The following GATB variants were observed in gnomAD, a reference collection of about 807,000 sequenced individuals.
GATB encodes the protein glutamyl-tRNA amidotransferase subunit B, also known as glutamyl-tRNA(Gln) amidotransferase subunit B, mitochondrial.
GATB carries 39 observed loss-of-function variants against 62.3 expected under a neutral mutation model. The observed-to-expected ratio is 0.63, with a 90% CI of 0.48 to 0.82. The LOEUF (loss-of-function observed/expected upper bound fraction) is 0.82, where lower values mean the gene tolerates loss of function less well. Among genes scored for constraint, GATB ranks in the 40% least tolerant of loss-of-function variants. The pLI is 0.00. For synonymous variants in GATB, 276 were observed against 258.9 expected, an observed-to-expected ratio of 1.07 and a Z score of -0.63; for missense variants, 670 against 684.0, an observed-to-expected ratio of 0.98 and a Z score of 0.23.
chr4:151,689,175 A>C (rs577235808), intron 9 of GATB, among the ~76,000 whole-genome samples: 23 of 152,342 alleles, frequency 1.5e-4, no homozygotes, highest in African/African-American at 5.5e-4. Context: ...CCTCTGCTGA[A>C]GTCCCAGTAA....
Position 151,757,467 on chromosome 4 carries a change from ATTTTT to A in GATB, c.327+1300_327+1304del, listed in dbSNP as rs745311470. ...AGTGCTCAGTTCAACCAGCTTCCAG[ATTTTT>A]TTTTTTTTTTTTTTTTTTGAGATGG... On this transcript the variant is annotated intron_variant, in intron 2 of 12. Transcript: ENST00000263985. Among the ~76,000 whole-genome samples, 13 of 103,824 alleles carry A rather than the reference ATTTTT, an allele frequency of 1.3e-4. No individual in the cohort carries two copies. The East Asian group carries it at 2.9e-3, about 24-fold the overall frequency. The allele number at this position is 103,824 out of a possible 152,430, so 68.1% of individuals were successfully genotyped here. A position where few individuals can be genotyped will look rare whatever the true frequency, so the allele number is the denominator to read the frequency against.
chr4:151,681,808 T>G (rs1738143797), intron 10 of GATB, among the ~76,000 whole-genome samples: 1 of 152,204 alleles, frequency 6.6e-6, no homozygotes, highest in Non-Finnish European at 1.5e-5. Flanking sequence ...ACTTTCTCAC[T>G]GGTGGCACCT....
chr4:151,681,838 G>C (rs1447303747), intron 10 of GATB, among the ~76,000 whole-genome samples: 9 of 152,206 alleles, frequency 5.9e-5, no homozygotes, highest in Non-Finnish European at 1.2e-4. Flanking sequence ...GTCTGCATGT[G>C]GTGGAAGGAG....
At chr4:151,682,498 G>A (rs1389366062) in intron 10 of GATB, among the ~76,000 whole-genome samples, 1 of 152,168 alleles carries the variant, frequency 6.6e-6, no homozygotes, top group Non-Finnish European at 1.5e-5. Flanking sequence ...AGAAGAAACT[G>A]ACACCGCGGC....
intron 5 of GATB, among the ~76,000 whole-genome samples, chr4:151,715,336 T>C (rs1158917996): frequency 6.6e-6 from 1 of 152,172 alleles, no homozygotes. Context: ...TACGGACTTA[T>C]GGGAGAGCAA....
chr4:151,716,252 C>A, intron 4 of GATB, 121 bp from the exon 5 acceptor site: 10 of 891,338 alleles, frequency 1.1e-5, no homozygotes, highest in South Asian at 2.5e-5. Context: ...GTTCTAGCCT[C>A]TCAATCATTT....
In GATB at chr4:151,676,577, A is replaced by C. The variant is rs1738011209; in HGVS notation, c.1410+3236T>G. ...TGTTTTCAGGTTAGCTGTAACTCTG[A>C]CAGTTTGGGAGTCTGATGTGTCCAA... is the stretch of plus-strand genomic sequence containing the variant. On this transcript the variant is annotated intron_variant, in intron 11 of 12. Transcript: ENST00000263985. The C allele has an allele frequency of 2.6e-5, 4 of 152,192 alleles. 1 individual carries two copies. The South Asian group carries it at 8.3e-4, about 32-fold the overall frequency. The allele number at this position is 152,192 out of a possible 1,614,324, so 9.4% of individuals were successfully genotyped here.
intron 2 of GATB, among the ~76,000 whole-genome samples, chr4:151,734,646 A>G (rs1739333541): frequency 6.6e-6 from 1 of 152,178 alleles, no homozygotes; most frequent in South Asian, 2.1e-4. Context: ...AGCAAAAGGA[A>G]CAAATCTGGA....
At chr4:151,738,612 ACTT>A (rs1739425225) in intron 2 of GATB, among the ~76,000 whole-genome samples, 2 of 152,254 alleles carry the variant, frequency 1.3e-5, no homozygotes, top group Non-Finnish European at 2.9e-5. Flanking sequence ...TTTATGTGCT[ACTT>A]GAGAGTCTAT....
chr4:151,712,666 T>C (rs984492170), intron 5 of GATB, among the ~76,000 whole-genome samples: 3 of 152,194 alleles, frequency 2.0e-5, no homozygotes, highest in African/African-American at 7.2e-5. Context: ...CAAATTTTAC[T>C]GAACGTATTT....
At chr4:151,746,634 C>T (rs2126996015) in intron 2 of GATB, among the ~76,000 whole-genome samples, 1 of 152,262 alleles carries the variant, frequency 6.6e-6, no homozygotes, top group South Asian at 2.1e-4. Flanking sequence ...GTGAAATGGG[C>T]TGGCTGACCT....
At chr4:151,695,573 C>A (rs1167721985) in intron 9 of GATB, among the ~76,000 whole-genome samples, 1 of 152,112 alleles carries the variant, frequency 6.6e-6, no homozygotes. Flanking sequence ...TGAACTCTCC[C>A]ACCGACGAGC....
intron 2 of GATB, chr4:151,722,077 T>C (rs1295670048): frequency 1.6e-6 from 1 of 644,824 alleles, no homozygotes; most frequent in East Asian, 2.7e-5. Context: ...AAACAGAGAG[T>C]GTCAGTTAGA....
intron 2 of GATB, among the ~76,000 whole-genome samples, chr4:151,753,396 T>C (rs1739760518): frequency 6.6e-6 from 1 of 152,176 alleles, no homozygotes; most frequent in East Asian, 1.9e-4. Flanking sequence ...CAGTTCTCGC[T>C]AGTGTCCCTT....
At chr4:151,743,935 T>C (rs1228113049) in intron 2 of GATB, among the ~76,000 whole-genome samples, 1 of 152,178 alleles carries the variant, frequency 6.6e-6, no homozygotes, top group East Asian at 1.9e-4. Flanking sequence ...GAGCCAAATA[T>C]ACTGACAGCA....
rs572446259 is a variant in GATB at position 151,751,361 on chromosome 4, G to A, written c.327+7411C>T. Among the ~76,000 whole-genome samples, 7 of 152,116 alleles carry A rather than the reference G, an allele frequency of 4.6e-5. No homozygotes were observed. In the South Asian group the frequency reaches 1.2e-3, roughly 27 times the overall value. ...TTTTGACTACTAGTCTGTTTCTTGG[G>A]AGCTCCAAATCATTTACCCATCACC... On this transcript the variant is annotated intron_variant, in intron 2 of 12. Transcript: ENST00000263985.
Position 151,686,705 on chromosome 4 carries a change from C to T in GATB, c.1331+1925G>A, listed in dbSNP as rs182457891. Among the ~76,000 whole-genome samples the T allele has an allele frequency of 8.8e-4, 119 of 135,418 alleles. 1 individual carries two copies. In the East Asian group the frequency reaches 0.022, roughly 26 times the overall value. The allele number at this position is 135,418 out of a possible 152,430, so 88.8% of individuals were successfully genotyped here. ...TTTTCCTTCTACTTCTGTGCCATCG[C>T]GCCTGCATTTCCTTCTCTGTGCACG... On this transcript the variant is annotated intron_variant, in intron 10 of 12. Coordinates refer to ENST00000263985, the MANE Select transcript of GATB (RefSeq NM_004564.3).
At chr4:151,688,858 C>T (rs1450499490) in intron 9 of GATB, 95 bp from the exon 10 acceptor site, 2 of 1,239,026 alleles carry the variant, frequency 1.6e-6, no homozygotes, top group African/African-American at 3.0e-5. Flanking sequence ...CCTCTGCCTC[C>T]TCTGAGACAG....
intron 12 of GATB, 105 bp downstream of exon 12, chr4:151,672,657 G>T: frequency 1.6e-6 from 2 of 1,213,734 alleles, no homozygotes; most frequent in Non-Finnish European, 2.3e-6. Flanking sequence ...AACTGGGTCA[G>T]CCATTCTTAG....
Sources: allele counts gnomAD v4.1 joint callset (sites outside exome capture counted in the v4.1 genomes callset), GRCh38; gene constraint gnomAD v4.1.1; transcripts MANE v1.5; gene names NCBI Gene and HGNC (gene_info 2026-07-23, HGNC 2026-07-21).